The following ZNF136 variants were observed in gnomAD, a reference collection of about 807,000 sequenced individuals.
ZNF136 encodes zinc finger protein 136 (clone pHZ-20).
A neutral mutation model predicts 11.4 loss-of-function variants in ZNF136; 8 were observed. That is an observed-to-expected ratio of 0.70 (90% CI 0.41 to 1.27). The LOEUF is 1.27. ZNF136 is among the 50% of genes most tolerant of loss of function. ZNF136 has a pLI of 0.01. For synonymous variants in ZNF136, 190 were observed against 207.1 expected (o/e 0.92, Z 0.71); for missense variants, 590 against 656.5 (o/e 0.90, Z 1.11).
intron 1 of ZNF136, among the ~76,000 whole-genome samples, chr19:12,181,528 A>C (rs542388900): frequency 1.3e-5 from 2 of 150,462 alleles, no homozygotes; most frequent in East Asian, 3.9e-4. Flanking sequence ...GCTGGAATGC[A>C]GTGGCGCAAT....
At chr19:12,174,693 T>C (rs773933851) in intron 1 of ZNF136, among the ~76,000 whole-genome samples, 1 of 152,004 alleles carries the variant, frequency 6.6e-6, no homozygotes, top group Non-Finnish European at 1.5e-5. Flanking sequence ...TGGAGTGCAG[T>C]GGCACCATCT....
rs2145642165 is a variant in ZNF136, at chr19:12,185,767, A to G, written c.4-18A>G. The G allele has an allele frequency of 6.2e-7, 1 of 1,610,864 alleles. No homozygotes were observed. The highest frequency in any genetic ancestry group is 8.5e-7 in the Non-Finnish European group (1 of 1,179,144). On this transcript the variant is annotated intron_variant, in intron 1 of 3. Transcript: ENST00000343979. ...CTGTCTCACCCATTCTCCTCTCCAC[A>G]TATGTGGGATGTTTCAGGACTCGGT...
chr19:12,182,166 T>G (rs1914959184), intron 1 of ZNF136, among the ~76,000 whole-genome samples: 1 of 152,258 alleles, frequency 6.6e-6, no homozygotes, highest in Admixed American at 6.5e-5. Flanking sequence ...TATAAAGATT[T>G]CTTTTATGTT....
chr19:12,176,776 T>C (rs963722674), intron 1 of ZNF136, among the ~76,000 whole-genome samples: 1 of 152,146 alleles, frequency 6.6e-6, no homozygotes, highest in African/African-American at 2.4e-5. Context: ...CAGATGGTGC[T>C]TAGTCCTAAG....
chr19:12,181,519 C>G (rs1914942142), intron 1 of ZNF136, among the ~76,000 whole-genome samples: 1 of 150,942 alleles, frequency 6.6e-6, no homozygotes, highest in South Asian at 2.1e-4. Flanking sequence ...GTCGCCGAGG[C>G]TGGAATGCAG....
At chr19:12,164,596 C>T (rs1952025979) in intron 1 of ZNF136, 2 of 152,294 alleles carry the variant, frequency 1.3e-5, no homozygotes, top group Admixed American at 1.3e-4. Flanking sequence ...GCGCATGCCA[C>T]CACGCCCGGC....
At chr19:12,173,775 G>A (rs1248285662) in intron 1 of ZNF136, among the ~76,000 whole-genome samples, 1 of 152,202 alleles carries the variant, frequency 6.6e-6, no homozygotes, top group African/African-American at 2.4e-5. Context: ...GCTGTCGGAT[G>A]TGTGGGGTCA....
intron 1 of ZNF136, 35 bp from the exon 2 acceptor site, chr19:12,185,749 AC>A (rs1555729402): frequency 6.9e-6 from 11 of 1,603,610 alleles, no homozygotes; most frequent in Non-Finnish European, 9.3e-6. Flanking sequence ...TGTCTGTCTC[AC>A]CCATTCTCCT....
intron 1 of ZNF136, among the ~76,000 whole-genome samples, chr19:12,179,636 G>C (rs1914891398): frequency 6.6e-6 from 1 of 152,074 alleles, no homozygotes; most frequent in Admixed American, 6.5e-5. Context: ...TAGGACGTGT[G>C]CTTGCTTCAG....
At chr19:12,179,399 C>G (rs1303997934) in intron 1 of ZNF136, among the ~76,000 whole-genome samples, 2 of 151,834 alleles carry the variant, frequency 1.3e-5, no homozygotes, top group Non-Finnish European at 2.9e-5. Context: ...CAACCTCTGC[C>G]TTCCAGGTTC....
In ZNF136 at chr19:12,187,995, C is replaced by T. The variant is rs773229352; in HGVS notation, c.1617C>T (p.Ser539=). The change falls in exon 4 of 4, where the codon AGC becomes AGT. Residue 539 remains serine (S), a synonymous_variant. Transcript: ENST00000343979. ...DGPPYKCMWE[S]L is the part of the protein sequence containing the mutation. ...CACCTTATAAATGCATGTGGGAAAG[C>T]CTTTAATGCTCTGGGTTCATGTCAG... is the stretch of plus-strand genomic sequence containing the variant. The T allele has an allele frequency of 6.6e-7, 1 of 1,521,310 alleles. No homozygotes were observed. Among genetic ancestry groups the T allele is most frequent in the African/African-American group, 1.4e-5 (1 of 71,898 alleles). The allele number at this position is 1,521,310 out of a possible 1,614,324, so 94.2% of individuals were successfully genotyped here. A position where few individuals can be genotyped will look rare whatever the true frequency, so the allele number is the denominator to read the frequency against.
intron 1 of ZNF136, among the ~76,000 whole-genome samples, chr19:12,181,894 C>T (rs1053088186): frequency 3.9e-5 from 6 of 152,150 alleles, no homozygotes; most frequent in African/African-American, 1.4e-4. Context: ...CTCTGCCTCC[C>T]AAAGTACTGG....
chr19:12,167,648 T>A (rs990071518), intron 1 of ZNF136, among the ~76,000 whole-genome samples: 1 of 151,872 alleles, frequency 6.6e-6, no homozygotes, highest in Non-Finnish European at 1.5e-5. Flanking sequence ...TCACCTGAGG[T>A]CAGGAGTTCA....
Position 12,186,684 on chromosome 19 carries a change from T to C in ZNF136, c.306T>C (p.Cys102=). Reference sequence around the variant, plus strand: ...AGAAAATCCCTGGAGTGAAACTCTGTGAAAGCATTGTATATGGAGAAGTCA... The same window carrying C: ...AGAAAATCCCTGGAGTGAAACTCTGCGAAAGCATTGTATATGGAGAAGTCA... ...LSKKIPGVKL[C]ESIVYGEVSM... The change falls in exon 4 of 4, where the codon TGT becomes TGC. Residue 102 remains cysteine (C), a synonymous_variant. Coordinates refer to ENST00000343979, the MANE Select transcript of ZNF136 (RefSeq NM_003437.5). 1.9e-6 allele frequency: 3 copies of C among 1,614,148 alleles called. No individual in the cohort carries two copies. Among genetic ancestry groups the C allele is most frequent in the Non-Finnish European group, 2.5e-6 (3 of 1,180,022 alleles).
In ZNF136 at chr19:12,188,120, T is replaced by G; in HGVS notation, c.*119T>G. 2.5e-6 allele frequency: 2 copies of G among 812,814 alleles called. No individual in the cohort carries two copies. The highest frequency in any genetic ancestry group is 3.6e-5 in the Admixed American group (1 of 28,044). 50.4% of individuals were successfully genotyped at this position (812,814 alleles called of 1,614,324 possible). On this transcript the variant is annotated 3_prime_UTR_variant, in exon 4 of 4. Transcript: ENST00000343979. ...CCTTTTTTAATACATGAAAGAATTC[T>G]AGAGAGAAGCCATATACATGTAAGT...
intron 2 of ZNF136, 55 bp downstream of exon 2, chr19:12,185,966 C>T (rs1467991963): frequency 6.1e-5 from 98 of 1,609,582 alleles, no homozygotes; most frequent in Non-Finnish European, 7.9e-5. Flanking sequence ...GCTTCTTGTG[C>T]AGTGATGCTG....
chr19:12,183,257 A>G (rs1914990980), intron 1 of ZNF136, among the ~76,000 whole-genome samples: 1 of 151,414 alleles, frequency 6.6e-6, no homozygotes. Flanking sequence ...CAATCCTCCC[A>G]CCTCAGCCTC....
chr19:12,185,836 G>T lies in ZNF136; in HGVS notation c.55G>T (p.Ala19Ser), dbSNP rs1167902396. 6.2e-7 allele frequency: 1 copy of T among 1,614,000 alleles called. No individual in the cohort carries two copies. The highest frequency in any genetic ancestry group is 8.5e-7 in the Non-Finnish European group (1 of 1,179,982). ...TGTGAACTTCACCCAGGAGGAGTGGGCTTTGCTAGATCCTTCCCAGAAGAA... is the reference window on the plus strand; with the variant it reads ...TGTGAACTTCACCCAGGAGGAGTGGTCTTTGCTAGATCCTTCCCAGAAGAA... ...VDVNFTQEEWALLDPSQKNLY... is the reference protein window; with the variant it reads ...VDVNFTQEEWSLLDPSQKNLY... The change falls in exon 2 of 4, where the codon GCT becomes TCT. Residue 19 changes from alanine (A) to serine (S), a missense_variant. Physicochemically the swap from Ala to Ser is moderately conservative, Grantham distance 99. Coordinates refer to ENST00000343979, the MANE Select transcript of ZNF136 (RefSeq NM_003437.5).
intron 1 of ZNF136, among the ~76,000 whole-genome samples, chr19:12,173,705 T>A (rs918975082): frequency 2.6e-5 from 4 of 152,112 alleles, no homozygotes; most frequent in African/African-American, 7.2e-5. Context: ...AAAAGGGTGT[T>A]ATGGGACCCT....
Sources: gnomAD v4.1 joint callset for allele counts (sites outside exome capture counted in the v4.1 genomes callset) on GRCh38, gnomAD v4.1.1 for gene constraint, MANE v1.5 for transcripts, NCBI Gene and HGNC (gene_info 2026-07-23, HGNC 2026-07-21) for gene names.